ZNF658: variants seen among roughly 807,000 people sequenced by gnomAD.
ZNF658 encodes the protein zinc finger protein 658.
A neutral mutation model predicts 78.0 loss-of-function variants in ZNF658; 46 were observed. The observed-to-expected ratio is 0.59, with a 90% CI of 0.47 to 0.75. The LOEUF is 0.75. Among genes scored for constraint, ZNF658 ranks in the 30% least tolerant of loss-of-function variants. The pLI, the probability that ZNF658 is intolerant of heterozygous loss-of-function variation, is 0.00. For missense variants in ZNF658, 785 were observed against 1,189.3 expected (o/e 0.66, Z 5.00); for synonymous variants, 279 against 408.4 (o/e 0.68, Z 3.82).
At chr9:66,910,456 A>G (rs1014441753) in intron 4 of ZNF658, among the ~76,000 whole-genome samples, 14 of 151,678 alleles carry the variant, frequency 9.2e-5, no homozygotes, top group African/African-American at 3.2e-4. Context: ...ATTGGATCAT[A>G]TTGATTGTCT....
intron 4 of ZNF658, among the ~76,000 whole-genome samples, chr9:66,916,210 T>C (rs1822332598): frequency 6.6e-6 from 1 of 152,186 alleles, no homozygotes; most frequent in Admixed American, 6.5e-5. Context: ...GCCCCAAATT[T>C]ATCTCTGTGT....
chr9:66,911,176 C>CA (rs1016406893), intron 4 of ZNF658, among the ~76,000 whole-genome samples: 2 of 119,392 alleles, frequency 1.7e-5, no homozygotes, highest in Non-Finnish European at 3.4e-5. Flanking sequence ...TATGCTAATG[C>CA]AAAAAACAAA....
At position 66,918,742 on chromosome 9, in the gene ZNF658, C is replaced by A; in HGVS notation, c.1176C>A (p.Ser392=). Residue 392 remains serine (S), a synonymous_variant, in exon 5 of 5, where the codon TCC becomes TCA. Transcript: ENST00000621410. The stretch of plus-strand genomic sequence containing the variant: ...ATGAACATGGGAAATGCAGAAAATC[C>A]TTTTACCGGAAAGCACACCTCATTC... ...LSDEHGKCRK[S]FYRKAHLIQH... is the part of the protein sequence containing the mutation. The A allele has an allele frequency of 6.2e-7, 1 of 1,613,848 alleles. No homozygotes were observed. Among genetic ancestry groups the A allele is most frequent in the East Asian group, 2.2e-5 (1 of 44,874 alleles).
intron 2 of ZNF658, among the ~76,000 whole-genome samples, chr9:66,905,068 CTT>C (rs1165611922): frequency 7.3e-3 from 233 of 31,756 alleles, no homozygotes; most frequent in Middle Eastern, 0.026. Context: ...TTTTTCTTTT[CTT>C]TTTTTTTTTT....
At chr9:66,905,068 C>CTTTTTTTTTTTTTTTTTTTTTTTTTTTT (rs1165611922) in intron 2 of ZNF658, among the ~76,000 whole-genome samples, 4 of 31,766 alleles carry the variant, frequency 1.3e-4, no homozygotes, top group African/African-American at 1.8e-4. Flanking sequence ...TTTTTCTTTT[C>CTTTTTTTTTTTTTTTTTTTTTTTTTTTT]TTTTTTTTTT....
At position 66,908,382 on chromosome 9, in the gene ZNF658, T is replaced by A. The variant is rs769944827; in HGVS notation, c.142+18T>A. 3.1e-5 allele frequency: 50 copies of A among 1,613,922 alleles called. 1 individual carries two copies. Among genetic ancestry groups the A allele is most frequent in the Non-Finnish European group, 4.2e-5 (49 of 1,179,988 alleles). ...CTCAGTGGGTGAGCATAGCTTACCA[T>A]GGGGCTCTCTCGAGAATATATGTCC... On this transcript the variant is annotated intron_variant, in intron 3 of 4. Coordinates refer to ENST00000621410, the MANE Select transcript of ZNF658 (RefSeq NM_033160.7).
At chr9:66,929,671 C>A (rs1463337017) in intron 6 of ZNF658, among the ~76,000 whole-genome samples, 1 of 140,982 alleles carries the variant, frequency 7.1e-6, no homozygotes, top group Admixed American at 7.3e-5. Flanking sequence ...CTTCAGGAAT[C>A]TTTTTATTTT....
intron 6 of ZNF658, among the ~76,000 whole-genome samples, chr9:66,929,661 C>A (rs1239624785): frequency 6.9e-6 from 1 of 144,610 alleles, no homozygotes; most frequent in East Asian, 2.1e-4. Flanking sequence ...TGACAAAACT[C>A]TTCAGGAATC....
chr9:66,913,454 C>T (rs1302534586), intron 4 of ZNF658, among the ~76,000 whole-genome samples: 1 of 151,502 alleles, frequency 6.6e-6, no homozygotes, highest in African/African-American at 2.4e-5. Flanking sequence ...AAGTAGAAGC[C>T]TCCTCTTCCA....
intron 1 of ZNF658, among the ~76,000 whole-genome samples, chr9:66,902,713 G>T (rs1283472905): frequency 6.6e-6 from 1 of 151,568 alleles, no homozygotes; most frequent in Non-Finnish European, 1.5e-5. Context: ...AGTAGAGGAA[G>T]AATTTCCTAT....
chr9:66,927,327 GGAT>G (rs1193589637), intron 6 of ZNF658, among the ~76,000 whole-genome samples: 1 of 151,154 alleles, frequency 6.6e-6, no homozygotes, highest in Non-Finnish European at 1.5e-5. Context: ...ACACCTGTCA[GGAT>G]GATGATTATT....
chr9:66,900,969 G>A (rs2117917774), intron 1 of ZNF658, 133 bp downstream of exon 1: 1 of 152,248 alleles, frequency 6.6e-6, no homozygotes, highest in East Asian at 1.9e-4. Context: ...GGCCCAGTGC[G>A]CGGGCCCAGG....
downstream of ZNF658, among the ~76,000 whole-genome samples, chr9:66,925,610 C>CT (rs1414162525): frequency 6.6e-6 from 1 of 151,992 alleles, no homozygotes; most frequent in East Asian, 1.9e-4. Context: ...AAACTCCCAA[C>CT]AAAGCAAAGC....
intron 4 of ZNF658, among the ~76,000 whole-genome samples, chr9:66,913,313 T>G (rs1278718658): frequency 6.6e-6 from 1 of 151,610 alleles, no homozygotes; most frequent in Admixed American, 6.6e-5. Flanking sequence ...TAATCCCAGG[T>G]ACTCAGGAGG....
At chr9:66,925,623 C>A (rs543687382), downstream of ZNF658, among the ~76,000 whole-genome samples, 27 of 152,134 alleles carry the variant, frequency 1.8e-4, no homozygotes, top group South Asian at 4.4e-3. Flanking sequence ...AGCAAAGCCT[C>A]CGACCTGATG....
Position 66,920,032 on chromosome 9 carries a change from G to T in ZNF658, c.2466G>T (p.Gly822=). The stretch of plus-strand genomic sequence containing the variant: ...TAGTGCATCAAAGAATTCACACAGG[G>T]GAGAAACCCTATGAATGTAACCAAT... ...ALIVHQRIHT[G]EKPYECNQCG... Residue 822 remains glycine, a synonymous_variant, in exon 5 of 5, where the codon GGG becomes GGT. Transcript: ENST00000621410. The T allele has an allele frequency of 6.2e-7, 1 of 1,612,950 alleles. No homozygotes were observed. Among genetic ancestry groups the T allele is most frequent in the Non-Finnish European group, 8.5e-7 (1 of 1,179,866 alleles).
At position 66,918,730 on chromosome 9, in the gene ZNF658, A is replaced by T; in HGVS notation, c.1164A>T (p.Lys388Asn). The T allele has an allele frequency of 6.2e-7, 1 of 1,613,970 alleles. No homozygotes were observed. The highest frequency in any genetic ancestry group is 1.1e-5 in the South Asian group (1 of 91,074). The part of the protein sequence containing the change: ...DKFYLSDEHG[K>N]CRKSFYRKAH... ...TCTACCTTTCTGATGAACATGGGAA[A>T]TGCAGAAAATCCTTTTACCGGAAAG... The change falls in exon 5 of 5, where the codon AAA becomes AAT. Residue 388 changes from lysine to asparagine, a missense_variant. Physicochemically the swap from Lys to Asn is moderately conservative, Grantham distance 94. Coordinates refer to ENST00000621410, the MANE Select transcript of ZNF658 (RefSeq NM_033160.7).
At chr9:66,903,190 T>G in intron 1 of ZNF658, 1 of 234,958 alleles carries the variant, frequency 4.3e-6, no homozygotes, top group Non-Finnish European at 8.5e-6. Flanking sequence ...AAAACAGTAT[T>G]ACTTTACTCA....
At chr9:66,907,309 G>A (rs1822101897) in intron 2 of ZNF658, among the ~76,000 whole-genome samples, 2 of 152,096 alleles carry the variant, frequency 1.3e-5, no homozygotes, top group South Asian at 4.1e-4. Context: ...GTATCAACAT[G>A]AACAGAACTC....
Sources: gnomAD v4.1 joint callset for allele counts (sites outside exome capture counted in the v4.1 genomes callset) on GRCh38, gnomAD v4.1.1 for gene constraint, MANE v1.5 for transcripts, NCBI Gene and HGNC (gene_info 2026-07-23, HGNC 2026-07-21) for gene names.